Variants in AFG2B observed in about 807,000 individuals in gnomAD.
AFG2B encodes ATPase family gene 2 protein homolog B.
chr15:45,403,573 C>T, the AFG2B span: 3 of 1,574,126 alleles, frequency 1.9e-6, no homozygotes, highest in African/African-American at 2.8e-5. Context: ...CCGCTTCTGG[C>T]GCCATTTGGC....
chr15:45,412,443 C>A, the AFG2B span, among the ~76,000 whole-genome samples: 15 of 152,088 alleles, frequency 9.9e-5, no homozygotes, highest in African/African-American at 3.6e-4. Context: ...CAACAGATTT[C>A]TGTAGAGAGA....
At chr15:45,419,989 C>G in the AFG2B span, among the ~76,000 whole-genome samples, 2 of 98,354 alleles carry the variant, frequency 2.0e-5, no homozygotes, top group Admixed American at 1.1e-4. Flanking sequence ...GACTCTGTCC[C>G]CCCCCCCCAA....
the AFG2B span, among the ~76,000 whole-genome samples, chr15:45,408,260 A>G: frequency 6.6e-6 from 1 of 152,226 alleles, no homozygotes; most frequent in Non-Finnish European, 1.5e-5. Flanking sequence ...GATAGTTACA[A>G]AGAACTTCCA....
chr15:45,402,501 G>T, the AFG2B span: 2 of 1,608,980 alleles, frequency 1.2e-6, no homozygotes, highest in African/African-American at 2.7e-5. Flanking sequence ...CTAGAGACCG[G>T]GGCACCCAGC....
the AFG2B span, among the ~76,000 whole-genome samples, chr15:45,409,390 A>G: frequency 6.6e-6 from 1 of 151,800 alleles, no homozygotes; most frequent in African/African-American, 2.4e-5. Flanking sequence ...AAAAAAAAAA[A>G]AGAGTTTGAT....
chr15:45,419,992 C>A, the AFG2B span, among the ~76,000 whole-genome samples: 4 of 97,628 alleles, frequency 4.1e-5, 1 homozygote, highest in African/African-American at 2.1e-4. Flanking sequence ...TCTGTCCCCC[C>A]CCCCCAAAAA....
the AFG2B span, chr15:45,405,277 C>T: frequency 1.5e-5 from 23 of 1,558,172 alleles, no homozygotes; most frequent in Admixed American, 7.2e-5. Flanking sequence ...ATATTTTAAA[C>T]TATATACTTC....
At chr15:45,417,123 A>T in the AFG2B span, 4 of 877,768 alleles carry the variant, frequency 4.6e-6, no homozygotes, top group Non-Finnish European at 1.7e-6. Context: ...GATATCAAGA[A>T]GCTGGTCTGG....
chr15:45,402,384 G>T, the AFG2B span: 8 of 1,555,236 alleles, frequency 5.1e-6, no homozygotes, highest in Middle Eastern at 1.0e-3. Flanking sequence ...TGTGGGCCGG[G>T]TGGGTTTCCT....
At chr15:45,410,986 G>A in the AFG2B span, among the ~76,000 whole-genome samples, 1 of 152,172 alleles carries the variant, frequency 6.6e-6, no homozygotes, top group Non-Finnish European at 1.5e-5. Flanking sequence ...TGGATCACCT[G>A]AGGTCAGGAG....
At chr15:45,405,225 C>A in the AFG2B span, 3 of 1,241,852 alleles carry the variant, frequency 2.4e-6, no homozygotes, top group Non-Finnish European at 1.1e-6. Flanking sequence ...TGCTATCATT[C>A]TGCTGTCTAC....
At chr15:45,402,854 G>A in the AFG2B span, 1 of 1,598,532 alleles carries the variant, frequency 6.3e-7, no homozygotes, top group African/African-American at 1.3e-5. Context: ...CTGAGAAACC[G>A]ACCGATCTCC....
At chr15:45,415,582 A>G in the AFG2B span, 6 of 1,612,804 alleles carry the variant, frequency 3.7e-6, no homozygotes, top group African/African-American at 6.7e-5. Context: ...TTTTCCTAAC[A>G]AAAGATATTT....
the AFG2B span, chr15:45,410,313 TA>T: frequency 8.9e-6 from 14 of 1,573,518 alleles, no homozygotes; most frequent in South Asian, 9.3e-5. Context: ...AATTGTGCTA[TA>T]AAAAAAGACC....
At chr15:45,409,418 G>A in the AFG2B span, among the ~76,000 whole-genome samples, 1 of 151,358 alleles carries the variant, frequency 6.6e-6, no homozygotes, top group Non-Finnish European at 1.5e-5. Flanking sequence ...GTACTGGAGA[G>A]GTGTGGAGAG....
At chr15:45,421,337 CA>C in the AFG2B span, 39 of 631,590 alleles carry the variant, frequency 6.2e-5, no homozygotes, top group East Asian at 1.2e-3. Flanking sequence ...CAAAACAAAA[CA>C]AAAAAAACTT....
At chr15:45,415,588 T>C in the AFG2B span, 1 of 1,613,424 alleles carries the variant, frequency 6.2e-7, no homozygotes, top group Non-Finnish European at 8.5e-7. Flanking sequence ...TAACAAAAGA[T>C]ATTTCGACAA....
the AFG2B span, among the ~76,000 whole-genome samples, chr15:45,412,116 T>G: frequency 5.9e-5 from 8 of 135,548 alleles, no homozygotes; most frequent in Admixed American, 6.0e-4. Context: ...CAAAAACAAT[T>G]TATAGGCCGG....
chr15:45,409,705 A>T, the AFG2B span, among the ~76,000 whole-genome samples: 1 of 151,942 alleles, frequency 6.6e-6, no homozygotes, highest in Non-Finnish European at 1.5e-5. Context: ...TACAAAAAAA[A>T]AATATATATA....
Sources: allele counts gnomAD v4.1 joint callset (sites outside exome capture counted in the v4.1 genomes callset), GRCh38; gene constraint gnomAD v4.1.1; transcripts MANE v1.5; gene names NCBI Gene and HGNC (gene_info 2026-07-23, HGNC 2026-07-21).